Variants in TSPAN8 observed in about 807,000 individuals in gnomAD.
TSPAN8 encodes the protein tetraspanin 8.
TSPAN8 carries 21 observed loss-of-function variants against 32.8 expected under a neutral mutation model. That is an observed-to-expected ratio of 0.64 (90% CI 0.45 to 0.92). The LOEUF is 0.92. Ranked by LOEUF, TSPAN8 falls within the 40% of genes least tolerant of loss-of-function variation. The pLI, the probability that TSPAN8 is intolerant of heterozygous loss-of-function variation, is 0.00. For synonymous variants in TSPAN8, 95 were observed against 94.6 expected (o/e 1.00, Z -0.03); for missense variants, 269 against 281.9 (o/e 0.95, Z 0.33).
chr12:71,126,503 A>G (rs1871353288), intron 8 of TSPAN8, among the ~76,000 whole-genome samples: 1 of 152,136 alleles, frequency 6.6e-6, no homozygotes. Context: ...TTATCAGCAG[A>G]CTAGATAGTT....
chr12:71,125,466 T>C, intron 8 of TSPAN8, 79 bp from the exon 9 acceptor site: 1 of 1,216,496 alleles, frequency 8.2e-7, no homozygotes, highest in Non-Finnish European at 1.2e-6. Context: ...GAAAGAACAT[T>C]ATATATGAAA....
chr12:71,154,750 G>A (rs559220041), intron 2 of TSPAN8, among the ~76,000 whole-genome samples: 1 of 152,104 alleles, frequency 6.6e-6, no homozygotes, highest in Non-Finnish European at 1.5e-5. Context: ...ATTACATAAG[G>A]AAAACAATGA....
In TSPAN8 at chr12:71,149,239, G is replaced by A. The variant is rs372448709; in HGVS notation, c.61-5026C>T. On this transcript the variant is annotated intron_variant, in intron 2 of 8. Coordinates refer to ENST00000247829, the MANE Select transcript of TSPAN8 (RefSeq NM_004616.3). ...AAAAATTAGCCGAGTGTGGTGGCACGTGCCTGTAATCCCAGCTACTCAGGA... is the reference window on the plus strand; with the variant it reads ...AAAAATTAGCCGAGTGTGGTGGCACATGCCTGTAATCCCAGCTACTCAGGA... 3.5e-4 allele frequency among the ~76,000 whole-genome samples: 53 copies of A among 152,048 alleles called. 1 individual carries two copies. Among genetic ancestry groups the A allele is most frequent in the Admixed American group, 4.6e-4 (7 of 15,262 alleles).
At chr12:71,136,598 C>T (rs1448242953) in intron 6 of TSPAN8, among the ~76,000 whole-genome samples, 1 of 152,066 alleles carries the variant, frequency 6.6e-6, no homozygotes, top group Non-Finnish European at 1.5e-5. Context: ...CCTGGCTGGA[C>T]TAGAGTTTAC....
At chr12:71,143,189 G>C (rs1871959688) in intron 3 of TSPAN8, among the ~76,000 whole-genome samples, 1 of 152,122 alleles carries the variant, frequency 6.6e-6, no homozygotes, top group Admixed American at 6.5e-5. Context: ...ACAAATTAAT[G>C]GCTCTGAATG....
In TSPAN8 at chr12:71,129,334, A is replaced by T; in HGVS notation, c.657T>A (p.Ile219=). 6.3e-7 allele frequency: 1 copy of T among 1,576,386 alleles called. No individual in the cohort carries two copies. Among genetic ancestry groups the T allele is most frequent in the African/African-American group, 1.4e-5 (1 of 72,410 alleles). Residue 219 remains isoleucine (I), a synonymous_variant, in exon 8 of 9, where the codon ATT becomes ATA. Coordinates refer to ENST00000247829, the MANE Select transcript of TSPAN8 (RefSeq NM_004616.3). ...VIGISFGLAV[I]EILGLVFSMV... ...ATAATACAAGATTATACTGTACCTCAATAACTGCCAGTCCAAATGATATTC... is the reference window on the plus strand; with the variant it reads ...ATAATACAAGATTATACTGTACCTCTATAACTGCCAGTCCAAATGATATTC...
intron 3 of TSPAN8, among the ~76,000 whole-genome samples, chr12:71,142,860 A>AAG (rs72172168): frequency 5.3e-5 from 8 of 151,810 alleles, no homozygotes; most frequent in African/African-American, 1.7e-4. Flanking sequence ...AAAAAAAAAA[A>AAG]ACAGAGATAG....
intron 8 of TSPAN8, among the ~76,000 whole-genome samples, chr12:71,125,639 TA>T (rs1871328004): frequency 6.6e-6 from 1 of 152,202 alleles, no homozygotes; most frequent in East Asian, 1.9e-4. Context: ...ACTGGCCCCA[TA>T]TAAACTGCAC....
intron 8 of TSPAN8, among the ~76,000 whole-genome samples, chr12:71,127,068 T>C (rs1204550505): frequency 6.6e-6 from 1 of 152,178 alleles, no homozygotes; most frequent in Non-Finnish European, 1.5e-5. Context: ...CGGTCTTTTT[T>C]TATATGATAT....
intron 8 of TSPAN8, among the ~76,000 whole-genome samples, chr12:71,127,553 T>C (rs1274560559): frequency 6.6e-6 from 1 of 152,192 alleles, no homozygotes; most frequent in East Asian, 1.9e-4. Context: ...ACGCAAAAAC[T>C]TCATACCTAT....
intron 2 of TSPAN8, among the ~76,000 whole-genome samples, chr12:71,150,906 G>A (rs1461756302): frequency 6.6e-6 from 1 of 152,052 alleles, no homozygotes; most frequent in Non-Finnish European, 1.5e-5. Context: ...CCATGATTGT[G>A]AGGCCTCCCC....
intron 2 of TSPAN8, among the ~76,000 whole-genome samples, chr12:71,148,982 T>G (rs1465060785): frequency 3.3e-5 from 5 of 152,210 alleles, no homozygotes; most frequent in Non-Finnish European, 1.5e-5. Flanking sequence ...AGAATATTTA[T>G]TTCAGGGATG....
At chr12:71,154,931 A>T (rs1872377391) in intron 2 of TSPAN8, among the ~76,000 whole-genome samples, 1 of 152,210 alleles carries the variant, frequency 6.6e-6, no homozygotes, top group Admixed American at 6.5e-5. Context: ...GAAGCTCCTG[A>T]TGGCCAGAGA....
At chr12:71,142,084 T>C (rs1297085148) in intron 3 of TSPAN8, among the ~76,000 whole-genome samples, 2 of 152,192 alleles carry the variant, frequency 1.3e-5, no homozygotes, top group Non-Finnish European at 2.9e-5. Flanking sequence ...GCTACCTCTG[T>C]TTTTTCACTA....
chr12:71,126,768 T>G (rs1178233618), intron 8 of TSPAN8, among the ~76,000 whole-genome samples: 1 of 152,102 alleles, frequency 6.6e-6, no homozygotes, highest in East Asian at 1.9e-4. Flanking sequence ...GCACTTTTTT[T>G]TTTTTAATTA....
intron 2 of TSPAN8, among the ~76,000 whole-genome samples, chr12:71,148,372 C>T (rs1274229285): frequency 6.6e-6 from 1 of 152,132 alleles, no homozygotes; most frequent in Non-Finnish European, 1.5e-5. Flanking sequence ...ATATCACCAG[C>T]CTTATTTTCG....
At chr12:71,141,386 T>C (rs1871899849) in intron 3 of TSPAN8, among the ~76,000 whole-genome samples, 1 of 152,212 alleles carries the variant, frequency 6.6e-6, no homozygotes, top group Non-Finnish European at 1.5e-5. Context: ...GTGACAAAAA[T>C]AGAAGTGTTA....
At position 71,138,001 on chromosome 12, in the gene TSPAN8, C is replaced by A; in HGVS notation, c.396G>T (p.Gly132=). 6.2e-7 allele frequency: 1 copy of A among 1,613,882 alleles called. No individual in the cohort carries two copies. The highest frequency in any genetic ancestry group is 8.5e-7 in the Non-Finnish European group (1 of 1,179,954). Reference sequence around the variant, plus strand: ...CTTCCTGGAATTGTTTTTCACTTTCCCCTGTGGCGCTCAAAAGCTTTGTGT... The same window carrying A: ...CTTCCTGGAATTGTTTTTCACTTTCACCTGTGGCGCTCAAAAGCTTTGTGT... ...YENTKLLSAT[G]ESEKQFQEAI... The change falls in exon 6 of 9, where the codon GGG becomes GGT. Residue 132 remains glycine (G), a synonymous_variant. Transcript: ENST00000247829.
At chr12:71,143,925 C>T (rs190550554) in intron 3 of TSPAN8, among the ~76,000 whole-genome samples, 2 of 152,210 alleles carry the variant, frequency 1.3e-5, no homozygotes. Context: ...AATAACACCT[C>T]CTCCATTCTC....
Sources: allele counts gnomAD v4.1 joint callset (sites outside exome capture counted in the v4.1 genomes callset), GRCh38; gene constraint gnomAD v4.1.1; transcripts MANE v1.5; gene names NCBI Gene and HGNC (gene_info 2026-07-23, HGNC 2026-07-21).